The following SYT9 variants were observed in gnomAD, a reference collection of about 807,000 sequenced individuals.
SYT9 encodes synaptotagmin-9.
A neutral mutation model predicts 48.4 loss-of-function variants in SYT9; 22 were observed. The ratio of observed to expected loss-of-function variants is 0.45; its 90% CI spans 0.32 to 0.65. The LOEUF (loss-of-function observed/expected upper bound fraction) is 0.65. Ranked by LOEUF, SYT9 falls within the 30% of genes least tolerant of loss-of-function variation. The probability of loss-of-function intolerance (pLI) is 0.03; values close to 1 mark genes in which losing one functional copy is unlikely to be tolerated. For missense variants in SYT9, 577 were observed against 622.0 expected, an observed-to-expected ratio of 0.93 and a Z score of 0.77; for synonymous variants, 265 against 245.0, an observed-to-expected ratio of 1.08 and a Z score of -0.76.
rs376496278 is a variant in SYT9 at position 7,240,318 on chromosome 11, T to G, written c.49+1402T>G. Among the ~76,000 whole-genome samples the G allele has an allele frequency of 2.4e-4, 37 of 152,262 alleles. No individual in the cohort carries two copies. In the South Asian group the frequency reaches 7.3e-3, roughly 30 times the overall value. On this transcript the variant is annotated intron_variant and NMD_transcript_variant, in intron 1 of 8. Coordinates refer to the SYT9 transcript ENST00000524820. ...TTTTAACTTGCGTCTGTGTTTGAAGTTTCATATAGCAGATTAAGTGAGTTT... is the reference window on the plus strand; with the variant it reads ...TTTTAACTTGCGTCTGTGTTTGAAGGTTCATATAGCAGATTAAGTGAGTTT...
intron 6 of SYT9, chr11:7,454,410 T>A: frequency 3.2e-6 from 2 of 630,884 alleles, no homozygotes; most frequent in Non-Finnish European, 4.0e-6. Context: ...ATCTTCTCCC[T>A]GCCCTATCCC....
At chr11:7,424,769 G>C (rs1847422614) in intron 6 of SYT9, among the ~76,000 whole-genome samples, 1 of 152,182 alleles carries the variant, frequency 6.6e-6, no homozygotes, top group Non-Finnish European at 1.5e-5. Flanking sequence ...GCCCCATTTT[G>C]GATGTCTGCC....
intron 1 of SYT9, among the ~76,000 whole-genome samples, chr11:7,280,236 T>C (rs1848469538): frequency 6.6e-6 from 1 of 152,268 alleles, no homozygotes; most frequent in African/African-American, 2.4e-5. Context: ...CAGAATGCTT[T>C]TCTTGATTTT....
At chr11:7,322,250 G>A (rs1849350757) in intron 3 of SYT9, among the ~76,000 whole-genome samples, 1 of 152,182 alleles carries the variant, frequency 6.6e-6, no homozygotes, top group Non-Finnish European at 1.5e-5. Context: ...GCTGCTGCCA[G>A]CTTATAGGAG....
At chr11:7,356,502 C>T (rs756058680) in intron 3 of SYT9, among the ~76,000 whole-genome samples, 4 of 152,098 alleles carry the variant, frequency 2.6e-5, no homozygotes, top group Non-Finnish European at 2.9e-5. Context: ...CAGTGCGAGC[C>T]CTCCAGGGAG....
intron 1 of SYT9, among the ~76,000 whole-genome samples, chr11:7,288,236 A>G (rs1848632636): frequency 6.6e-6 from 1 of 151,694 alleles, no homozygotes; most frequent in Non-Finnish European, 1.5e-5. Flanking sequence ...GAAAGGGACT[A>G]TGTACCTGGC....
chr11:7,407,438 TG>T (rs1847043625), intron 3 of SYT9, among the ~76,000 whole-genome samples: 1 of 92,256 alleles, frequency 1.1e-5, no homozygotes, highest in South Asian at 2.8e-4. Flanking sequence ...CGGACTGCAG[TG>T]GCGCAATCTC....
upstream of SYT9, among the ~76,000 whole-genome samples, chr11:7,247,750 T>G (rs922106050): frequency 5.3e-5 from 8 of 151,494 alleles, no homozygotes; most frequent in Non-Finnish European, 1.5e-5. Context: ...GGGTCGGTTC[T>G]GTGTTTTTGC....
At position 7,252,439 on chromosome 11, in the gene SYT9, G is replaced by A; in HGVS notation, c.145+108G>A. 1 of 1,235,404 alleles carries A rather than the reference G, an allele frequency of 8.1e-7. No homozygotes were observed. Among genetic ancestry groups the A allele is most frequent in the Middle Eastern group, 2.8e-4 (1 of 3,518 alleles). The allele number at this position is 1,235,404 out of a possible 1,614,324, so 76.5% of individuals were successfully genotyped here. On this transcript the variant is annotated intron_variant, in intron 1 of 6. Coordinates refer to ENST00000318881, the MANE Select transcript of SYT9 (RefSeq NM_175733.4). This position sits in a 1 kb window ranked among gnomAD's most constrained non-coding sequence, Gnocchi z 6.3. ...GCGACGCGGACTGGGAGAGGGCGGG[G>A]GGCGGCCACCGAGCCAGGAGAGTGA... is the stretch of plus-strand genomic sequence containing the variant.
upstream of SYT9, among the ~76,000 whole-genome samples, chr11:7,250,229 C>T (rs1589884888): frequency 6.6e-6 from 1 of 152,178 alleles, no homozygotes; most frequent in African/African-American, 2.4e-5. Context: ...GCAATCTTGT[C>T]ACTTAATACT....
At chr11:7,401,288 A>G (rs1193777815) in intron 3 of SYT9, among the ~76,000 whole-genome samples, 1 of 151,178 alleles carries the variant, frequency 6.6e-6, no homozygotes, top group Non-Finnish European at 1.5e-5. Context: ...CCTGTCCCCA[A>G]GACATTTCAT....
At chr11:7,310,781 A>G (rs899763287) in intron 2 of SYT9, among the ~76,000 whole-genome samples, 4 of 152,060 alleles carry the variant, frequency 2.6e-5, no homozygotes, top group Non-Finnish European at 5.9e-5. Flanking sequence ...TGTATTGGGA[A>G]TTTTTGGAGG....
chr11:7,287,170 A>G (rs1448667924), intron 1 of SYT9, among the ~76,000 whole-genome samples: 5 of 152,152 alleles, frequency 3.3e-5, no homozygotes, highest in African/African-American at 9.7e-5. Context: ...ACTTACAATC[A>G]TGGCAGAAGG....
intron 3 of SYT9, among the ~76,000 whole-genome samples, chr11:7,336,312 T>C (rs1849630109): frequency 6.6e-6 from 1 of 152,242 alleles, no homozygotes; most frequent in South Asian, 2.1e-4. Context: ...CTGTTGATAG[T>C]TTCTTTTGTT....
chr11:7,432,580 AAAATATATATACATATATATATATAT>A (rs1564902048), intron 6 of SYT9, among the ~76,000 whole-genome samples: 62 of 6,168 alleles, frequency 0.01, 2 homozygotes, highest in Admixed American at 0.013. Context: ...AAAAAAAAAA[AAAATATATATACATATATATATATAT>A]ATATATATAT....
chr11:7,377,524 G>C (rs1850476090), intron 3 of SYT9, among the ~76,000 whole-genome samples: 3 of 152,202 alleles, frequency 2.0e-5, no homozygotes, highest in East Asian at 3.9e-4. Context: ...TCACAAGCAG[G>C]ATTCAGTCAA....
At chr11:7,386,965 G>T (rs984838487) in intron 3 of SYT9, among the ~76,000 whole-genome samples, 1 of 152,164 alleles carries the variant, frequency 6.6e-6, no homozygotes, top group African/African-American at 2.4e-5. Context: ...ATACTATGCA[G>T]CCATAAAAAA....
chr11:7,445,602 C>T (rs1847912067), intron 6 of SYT9, among the ~76,000 whole-genome samples: 1 of 152,226 alleles, frequency 6.6e-6, no homozygotes, highest in Non-Finnish European at 1.5e-5. Flanking sequence ...CTCTCTTTCT[C>T]ATGGGCTTTC....
intron 3 of SYT9, among the ~76,000 whole-genome samples, chr11:7,410,803 A>G (rs1191406144): frequency 6.6e-6 from 1 of 151,938 alleles, no homozygotes; most frequent in Non-Finnish European, 1.5e-5. Context: ...TATATATTCA[A>G]CCAGTCTATA....
Sources: allele counts gnomAD v4.1 joint callset (sites outside exome capture counted in the v4.1 genomes callset), GRCh38; gene constraint gnomAD v4.1.1; non-coding constraint Gnocchi (gnomAD v3.1); transcripts MANE v1.5; gene names NCBI Gene and HGNC (gene_info 2026-07-23, HGNC 2026-07-21).